The following NFKB1 variants were observed in gnomAD, a reference collection of about 807,000 sequenced individuals.
NFKB1 encodes nuclear factor NF-kappa-B p105 subunit.
Under a neutral mutation model 105.1 loss-of-function variants are expected in NFKB1, and 9 were observed. That is an observed-to-expected ratio of 0.09 (90% CI 0.05 to 0.15). The LOEUF (loss-of-function observed/expected upper bound fraction) is 0.15, where lower values mean the gene tolerates loss of function less well. Ranked by LOEUF, NFKB1 falls within the 10% of genes least tolerant of loss-of-function variation. NFKB1 has a pLI of 1.00. For missense variants in NFKB1, 830 were observed against 1,203.7 expected (o/e 0.69, Z 4.59); for synonymous variants, 440 against 442.2 (o/e 1.00, Z 0.06).
In NFKB1 at chr4:102,529,920, A is replaced by G. The variant is rs773256276; in HGVS notation, c.118+6A>G. On this transcript the variant is annotated splice_donor_region_variant and intron_variant, in intron 3 of 23. Transcript: ENST00000226574. ...ACAGATGGCACTGCCAACAGGTAAG[A>G]AAACTCATCCCTGTTACCCTGTTGT... The G allele has an allele frequency of 6.3e-7, 1 of 1,597,492 alleles. No individual in the cohort carries two copies. The highest frequency in any genetic ancestry group is 8.6e-7 in the Non-Finnish European group (1 of 1,166,670).
intron 6 of NFKB1, among the ~76,000 whole-genome samples, chr4:102,571,359 A>G (rs1724340824): frequency 1.3e-5 from 2 of 152,220 alleles, no homozygotes; most frequent in African/African-American, 2.4e-5. Context: ...CTTAAATGTT[A>G]TATCTAAAAC....
chr4:102,566,944 G>A, intron 5 of NFKB1, 43 bp from the exon 6 acceptor site: 1 of 1,605,290 alleles, frequency 6.2e-7, no homozygotes, highest in Non-Finnish European at 8.5e-7. Context: ...CATGTTGCTG[G>A]AGAGTCAGAT....
chr4:102,606,530 A>C lies in NFKB1; in HGVS notation c.1787A>C (p.Glu596Ala). 6.2e-7 allele frequency: 1 copy of C among 1,614,192 alleles called. No individual in the cohort carries two copies. Among genetic ancestry groups the C allele is most frequent in the South Asian group, 1.1e-5 (1 of 91,084 alleles). Residue 596 changes from glutamate (E) to alanine (A), a missense_variant, in exon 17 of 24, where the codon GAA (glutamate) becomes GCA (alanine). By Grantham distance (107) the Glu-to-Ala change is moderately radical. This residue lies in a region of NFKB1 where 418 missense variants were observed against 575.3 expected (regional missense o/e 0.73). Transcript: ENST00000226574. ...PLHLAVITKQ[E>A]DVVEDLLRAG... ...CACTTGGCAGTGATCACTAAGCAGG[A>C]AGATGTGGTGGAGGATTTGCTGAGG...
In NFKB1 at chr4:102,596,341, G is replaced by A. The variant is rs781446933; in HGVS notation, c.1495+9G>A. 8 of 1,591,472 alleles carry A rather than the reference G, an allele frequency of 5.0e-6. No individual in the cohort carries two copies. The highest frequency in any genetic ancestry group is 2.2e-5 in the East Asian group (1 of 44,588). On this transcript the variant is annotated intron_variant, in intron 14 of 23. Coordinates refer to ENST00000226574, the MANE Select transcript of NFKB1 (RefSeq NM_003998.4). ...GAGTGCTGGAGTTCAGGGTAAGTGAGCACACAAATTACGTTCTGTTGGTTG... is the reference window on the plus strand; with the variant it reads ...GAGTGCTGGAGTTCAGGGTAAGTGAACACACAAATTACGTTCTGTTGGTTG...
chr4:102,501,690 G>C lies in NFKB1; in HGVS notation c.-106G>C, dbSNP rs1739031380. 6.6e-6 allele frequency: 1 copy of C among 151,952 alleles called. No individual in the cohort carries two copies. The highest frequency in any genetic ancestry group is 1.5e-5 in the Non-Finnish European group (1 of 68,166). The allele number at this position is 151,952 out of a possible 1,614,324, so 9.4% of individuals were successfully genotyped here. Reference sequence around the variant, plus strand: ...CGCACTCGGGCCCGCCCGGGCTCCGGCCTGCCGCCGCCTCTTCCTTCTCCA... The same window carrying C: ...CGCACTCGGGCCCGCCCGGGCTCCGCCCTGCCGCCGCCTCTTCCTTCTCCA... On this transcript the variant is annotated 5_prime_UTR_variant, in exon 1 of 24. Transcript: ENST00000226574.
chr4:102,598,487 G>A (rs1023705236), intron 15 of NFKB1, among the ~76,000 whole-genome samples: 5 of 152,126 alleles, frequency 3.3e-5, no homozygotes, highest in Non-Finnish European at 7.4e-5. Context: ...ATTAAACCAA[G>A]CACTTTAGGA....
chr4:102,540,908 A>G (rs898442554), intron 5 of NFKB1, among the ~76,000 whole-genome samples: 1 of 152,134 alleles, frequency 6.6e-6, no homozygotes, highest in Non-Finnish European at 1.5e-5. Context: ...AGAGGAAAAA[A>G]TTGTTCTCCA....
intron 14 of NFKB1, among the ~76,000 whole-genome samples, chr4:102,597,011 A>G (rs1726671520): frequency 6.6e-6 from 1 of 152,196 alleles, no homozygotes; most frequent in Admixed American, 6.5e-5. Flanking sequence ...TTTGGCCCAA[A>G]GGTCACAAAT....
At chr4:102,596,477 A>T (rs1217039393) in intron 14 of NFKB1, 145 bp downstream of exon 14, 6 of 572,388 alleles carry the variant, frequency 1.0e-5, no homozygotes, top group Non-Finnish European at 1.6e-5. Flanking sequence ...TTGGAAAAGC[A>T]TATGTCAGAT....
intron 5 of NFKB1, among the ~76,000 whole-genome samples, chr4:102,545,483 G>A (rs546564473): frequency 6.6e-6 from 1 of 152,218 alleles, no homozygotes; most frequent in South Asian, 2.1e-4. Flanking sequence ...TGAGGAAATT[G>A]AAGCCTAGAG....
At chr4:102,574,640 A>G (rs1347840292) in intron 6 of NFKB1, among the ~76,000 whole-genome samples, 1 of 152,168 alleles carries the variant, frequency 6.6e-6, no homozygotes, top group Non-Finnish European at 1.5e-5. Flanking sequence ...GCATTAAGCC[A>G]GAGTAATTAC....
intron 1 of NFKB1, among the ~76,000 whole-genome samples, chr4:102,520,749 T>C (rs974945742): frequency 6.6e-6 from 1 of 152,164 alleles, no homozygotes; most frequent in Non-Finnish European, 1.5e-5. Flanking sequence ...TATCAGAAAG[T>C]TGTCAATCAA....
chr4:102,567,995 A>T (rs1174092357), intron 6 of NFKB1, among the ~76,000 whole-genome samples: 1 of 152,202 alleles, frequency 6.6e-6, no homozygotes, highest in African/African-American at 2.4e-5. Flanking sequence ...TTTAATTTTT[A>T]AAAACATTTT....
intron 6 of NFKB1, among the ~76,000 whole-genome samples, chr4:102,574,188 T>C (rs540832717): frequency 6.6e-6 from 1 of 150,966 alleles, no homozygotes; most frequent in Admixed American, 6.6e-5. Context: ...GAAGTTAAAT[T>C]TGGGAACAGT....
At chr4:102,580,439 T>G (rs1725234734) in intron 8 of NFKB1, 96 bp from the exon 9 acceptor site, 3 of 876,834 alleles carry the variant, frequency 3.4e-6, no homozygotes. Flanking sequence ...AAGCTTTGTT[T>G]TGGTCATGTG....
At chr4:102,584,635 A>C in intron 10 of NFKB1, 47 bp from the exon 11 acceptor site, 1 of 1,519,222 alleles carries the variant, frequency 6.6e-7, no homozygotes, top group Non-Finnish European at 8.8e-7. Flanking sequence ...TGCAAAAAAA[A>C]AAAAAATGTA....
In NFKB1 at chr4:102,602,258, C is replaced by T. The variant is rs528826465; in HGVS notation, c.1752+1249C>T. ...TTTAAAATGTGCTTTAGGCTGGGTG[C>T]GGTGGCTCACACCTATAATCCCAGC... On this transcript the variant is annotated intron_variant, in intron 16 of 23. Coordinates refer to ENST00000226574, the MANE Select transcript of NFKB1 (RefSeq NM_003998.4). Among the ~76,000 whole-genome samples, 38 of 151,576 alleles carry T rather than the reference C, an allele frequency of 2.5e-4. No individual in the cohort carries two copies. The East Asian group carries it at 4.8e-3, about 19-fold the overall frequency.
At position 102,566,976 on chromosome 4, in the gene NFKB1, T is replaced by A. The variant is rs1486235893; in HGVS notation, c.259-11T>A. On this transcript the variant is annotated splice_polypyrimidine_tract_variant and intron_variant, in intron 5 of 23. Transcript: ENST00000226574. ...AGATATGCTAACTTTTGGAATGTGC[T>A]TCTTATATAGATCTGCAACTATGTG... The A allele has an allele frequency of 6.2e-7, 1 of 1,613,626 alleles. No individual in the cohort carries two copies. Among genetic ancestry groups the A allele is most frequent in the Non-Finnish European group, 8.5e-7 (1 of 1,179,562 alleles).
chr4:102,568,848 A>G (rs529107799), intron 6 of NFKB1, among the ~76,000 whole-genome samples: 1 of 152,142 alleles, frequency 6.6e-6, no homozygotes, highest in Non-Finnish European at 1.5e-5. Flanking sequence ...TAGTTGGGAG[A>G]ACTCATCAGT....
Sources: allele counts gnomAD v4.1 joint callset (sites outside exome capture counted in the v4.1 genomes callset), GRCh38; gene constraint gnomAD v4.1.1; regional missense constraint gnomAD v4.1.1; transcripts MANE v1.5; gene names NCBI Gene and HGNC (gene_info 2026-07-23, HGNC 2026-07-21).